PTPRQ: variants seen among roughly 807,000 people sequenced by gnomAD.
The protein encoded by PTPRQ is protein tyrosine phosphatase receptor type Q.
In PTPRQ, 199 loss-of-function variants were observed where a neutral mutation model predicts 246.0. The observed-to-expected ratio is 0.81, with a 90% CI of 0.72 to 0.91. The LOEUF (loss-of-function observed/expected upper bound fraction) is 0.91, where lower values mean the gene tolerates loss of function less well. Ranked by LOEUF, PTPRQ falls within the 40% of genes least tolerant of loss-of-function variation. PTPRQ has a pLI of 0.00. For synonymous variants in PTPRQ, 869 were observed against 853.2 expected (o/e 1.02, Z -0.32); for missense variants, 2,624 against 2,528.4 (o/e 1.04, Z -0.81).
intron 3 of PTPRQ, among the ~76,000 whole-genome samples, chr12:80,446,003 G>A (rs1007486912): frequency 1.3e-4 from 20 of 151,548 alleles, no homozygotes; most frequent in African/African-American, 4.8e-4. Flanking sequence ...AATACTCTAG[G>A]AAATAAAAAT....
intron 27 of PTPRQ, 72 bp from the exon 28 acceptor site, chr12:80,610,367 T>C: frequency 7.6e-7 from 1 of 1,312,104 alleles, no homozygotes; most frequent in Middle Eastern, 2.8e-4. Context: ...TCACGTAGCT[T>C]TGTATTATTA....
Position 80,541,562 on chromosome 12 carries a change from A to T in PTPRQ, c.3162A>T (p.Glu1054Asp). 6.6e-7 allele frequency: 1 copy of T among 1,517,106 alleles called. No individual in the cohort carries two copies. The highest frequency in any genetic ancestry group is 2.1e-5 in the Admixed American group (1 of 46,922). The allele number at this position is 1,517,106 out of a possible 1,614,324, so 94.0% of individuals were successfully genotyped here. The change falls in exon 21 of 45, where the codon GAA becomes GAT. Residue 1054 changes from glutamate to aspartate, a missense_variant. Coordinates refer to ENST00000644991, the MANE Select transcript of PTPRQ (RefSeq NM_001145026.2). ...GCCCATTACCTATCATAGTACCTGA[A>T]GGGTTTGTTGGAAACCTGACTTACG... ...IEVYTDQDIP[E>D]GFVGNLTYES...
rs188416975 is a variant in PTPRQ, at chr12:80,570,142, C to T, written c.4286-17987C>T. The stretch of plus-strand genomic sequence containing the variant: ...CAAATGGTATTTCTAGTTCTAGATC[C>T]TTGAGGAATCACCACACTGTCTTCC... On this transcript the variant is annotated intron_variant, in intron 25 of 44. Transcript: ENST00000644991. Among the ~76,000 whole-genome samples the T allele has an allele frequency of 2.0e-3, 303 of 152,126 alleles. 3 individuals carry two copies. Among genetic ancestry groups the T allele is most frequent in the African/African-American group, 6.9e-3 (287 of 41,498 alleles).
At chr12:80,558,168 CTTTCTTTTCT>C (rs1896715597) in intron 25 of PTPRQ, among the ~76,000 whole-genome samples, 1 of 35,224 alleles carries the variant, frequency 2.8e-5, no homozygotes, top group Non-Finnish European at 5.9e-5. Flanking sequence ...CTTTTCTTTT[CTTTCTTTTCT>C]TTTCTTTTTG....
At chr12:80,508,671 T>C (rs1268412261) in intron 16 of PTPRQ, among the ~76,000 whole-genome samples, 2 of 152,106 alleles carry the variant, frequency 1.3e-5, no homozygotes, top group Non-Finnish European at 2.9e-5. Context: ...TAGATTGTAT[T>C]TTAGAATACA....
intron 37 of PTPRQ, among the ~76,000 whole-genome samples, chr12:80,650,966 AT>A (rs541030467): frequency 9.1e-4 from 139 of 152,110 alleles, no homozygotes; most frequent in African/African-American, 3.2e-3. Flanking sequence ...TAATAAATAC[AT>A]TTTTGGTGCA....
chr12:80,615,809 G>A (rs1898732819), intron 29 of PTPRQ, among the ~76,000 whole-genome samples: 1 of 150,938 alleles, frequency 6.6e-6, no homozygotes, highest in Non-Finnish European at 1.5e-5. Context: ...AGTAGATGAA[G>A]GGAGAGCGTA....
intron 8 of PTPRQ, among the ~76,000 whole-genome samples, chr12:80,478,747 G>A (rs181376549): frequency 0.066 from 10,084 of 152,170 alleles, 859 homozygotes; most frequent in African/African-American, 0.19. Context: ...CTCAGGAGCC[G>A]ATGCGATCAA....
At chr12:80,596,484 A>T (rs1345906004) in intron 26 of PTPRQ, among the ~76,000 whole-genome samples, 2 of 151,852 alleles carry the variant, frequency 1.3e-5, no homozygotes, top group African/African-American at 2.4e-5. Flanking sequence ...AGGGGAGGAA[A>T]TTTTCTCCCC....
At chr12:80,485,738 C>T (rs564699909) in intron 9 of PTPRQ, among the ~76,000 whole-genome samples, 1 of 152,248 alleles carries the variant, frequency 6.6e-6, no homozygotes, top group South Asian at 2.1e-4. Context: ...AAAGCTTAAC[C>T]CTTTGCTCCT....
intron 26 of PTPRQ, among the ~76,000 whole-genome samples, chr12:80,598,220 C>T (rs962023314): frequency 6.6e-6 from 1 of 151,936 alleles, no homozygotes; most frequent in Non-Finnish European, 1.5e-5. Context: ...TGCAGCACCA[C>T]CTTGCGGTTA....
At chr12:80,505,514 G>T (rs1025495344) in intron 14 of PTPRQ, among the ~76,000 whole-genome samples, 4 of 151,842 alleles carry the variant, frequency 2.6e-5, no homozygotes, top group Non-Finnish European at 5.9e-5. Flanking sequence ...GTTAGATACA[G>T]AAAACTAGTG....
At chr12:80,547,947 A>G (rs530048578) in intron 24 of PTPRQ, among the ~76,000 whole-genome samples, 2 of 152,252 alleles carry the variant, frequency 1.3e-5, no homozygotes, top group Non-Finnish European at 2.9e-5. Flanking sequence ...AAAATTAGTG[A>G]AGAACCTAAC....
Position 80,495,375 on chromosome 12 carries a change from GA to G in PTPRQ, c.1882+8del. On this transcript the variant is annotated splice_donor_5th_base_variant and intron_variant, in intron 12 of 44. Transcript: ENST00000644991. The stretch of plus-strand genomic sequence containing the variant: ...GATAACAGCTTTCTCATAACAGGTA[GA>G]AAACAATGTTTTGTTGTTGTTGTTG... The G allele has an allele frequency of 6.9e-7, 1 of 1,458,534 alleles. No individual in the cohort carries two copies. Among genetic ancestry groups the G allele is most frequent in the Non-Finnish European group, 9.0e-7 (1 of 1,111,198 alleles). 90.3% of individuals were successfully genotyped at this position (1,458,534 alleles called of 1,614,324 possible).
chr12:80,473,759 A>G (rs1893727185), intron 8 of PTPRQ, among the ~76,000 whole-genome samples: 1 of 152,262 alleles, frequency 6.6e-6, no homozygotes, highest in Non-Finnish European at 1.5e-5. Context: ...CCACAAAAGA[A>G]GTAGAATCTT....
At chr12:80,672,589 G>A (rs1565852765) in intron 42 of PTPRQ, among the ~76,000 whole-genome samples, 1 of 151,838 alleles carries the variant, frequency 6.6e-6, no homozygotes, top group Non-Finnish European at 1.5e-5. Context: ...ATCTTGTGAG[G>A]TTTATCAGTT....
intron 25 of PTPRQ, among the ~76,000 whole-genome samples, chr12:80,560,001 A>T (rs924184923): frequency 6.6e-6 from 1 of 152,334 alleles, no homozygotes; most frequent in East Asian, 1.9e-4. Context: ...CCAAAACAAG[A>T]TTCAAGCAGC....
intron 8 of PTPRQ, among the ~76,000 whole-genome samples, chr12:80,482,054 G>A (rs1371024920): frequency 6.7e-6 from 1 of 149,900 alleles, no homozygotes; most frequent in Non-Finnish European, 1.5e-5. Context: ...CCAAAAAAGA[G>A]CCCGCATCGC....
At chr12:80,669,573 T>A in intron 41 of PTPRQ, 109 bp downstream of exon 41, 1 of 1,373,758 alleles carries the variant, frequency 7.3e-7, no homozygotes, top group East Asian at 2.5e-5. Context: ...TACCTGTATA[T>A]TCAACAATGC....
Sources: gnomAD v4.1 joint callset for allele counts (sites outside exome capture counted in the v4.1 genomes callset) on GRCh38, gnomAD v4.1.1 for gene constraint, MANE v1.5 for transcripts, NCBI Gene and HGNC (gene_info 2026-07-23, HGNC 2026-07-21) for gene names.